The following LRP1B variants were observed in gnomAD, a reference collection of about 807,000 sequenced individuals.
The protein encoded by LRP1B is LDL receptor related protein 1B.
Under a neutral mutation model 556.6 loss-of-function variants are expected in LRP1B, and 217 were observed. That is an observed-to-expected ratio of 0.39 (90% CI 0.35 to 0.44). The LOEUF (loss-of-function observed/expected upper bound fraction) is 0.44. Ranked by LOEUF, LRP1B falls within the 20% of genes least tolerant of loss-of-function variation. LRP1B has a pLI of 1.00. For missense variants in LRP1B, 5,053 were observed against 5,620.8 expected (o/e 0.90, Z 3.23); for synonymous variants, 2,047 against 1,865.8 (o/e 1.10, Z -2.50).
chr2:140,524,146 C>G (rs914305104), intron 49 of LRP1B, among the ~76,000 whole-genome samples: 5 of 151,636 alleles, frequency 3.3e-5, no homozygotes, highest in South Asian at 4.2e-4. Flanking sequence ...ACAAATAACC[C>G]CATTAAAAAT....
chr2:141,730,882 T>C (rs975127590), intron 2 of LRP1B, among the ~76,000 whole-genome samples: 2 of 152,182 alleles, frequency 1.3e-5, no homozygotes, highest in African/African-American at 4.8e-5. Context: ...AACCCCACAG[T>C]TTCCTGTGTA....
chr2:141,952,730 T>A (rs1701140661), intron 1 of LRP1B, among the ~76,000 whole-genome samples: 1 of 152,164 alleles, frequency 6.6e-6, no homozygotes, highest in African/African-American at 2.4e-5. Flanking sequence ...AATTAAACCC[T>A]TCCTTATCTA....
chr2:140,300,366 A>ATC (rs1683770077), intron 83 of LRP1B, among the ~76,000 whole-genome samples: 1 of 152,278 alleles, frequency 6.6e-6, no homozygotes, highest in African/African-American at 2.4e-5. Context: ...GTTTTCAAGA[A>ATC]TCTCTCTAGG....
Position 141,480,482 on chromosome 2 carries a change from C to T in LRP1B, c.257G>A (p.Gly86Asp), listed in dbSNP as rs2105090153. 6.2e-7 allele frequency: 1 copy of T among 1,613,940 alleles called. No individual in the cohort carries two copies. The highest frequency in any genetic ancestry group is 8.5e-7 in the Non-Finnish European group (1 of 1,179,924). ...GGATAAATGAACACATTTGTTGGTA[C>T]CAAGGCAAGCAATGTGATTCAAGGG... ...KCPLNHIACL[G>D]TNKCVHLSQL... The change falls in exon 3 of 91, where the codon GGT becomes GAT. Residue 86 changes from glycine to aspartate, a missense_variant. This residue lies in a region of LRP1B where 3,619 missense variants were observed against 3,931.9 expected (regional missense o/e 0.92). Transcript: ENST00000389484.
chr2:140,794,903 G>A (rs539124391), intron 32 of LRP1B, among the ~76,000 whole-genome samples: 3 of 152,088 alleles, frequency 2.0e-5, no homozygotes, highest in South Asian at 2.1e-4. Flanking sequence ...ATGAGCAACC[G>A]CACCCAGCCG....
At chr2:141,770,267 T>A (rs2105613674) in intron 2 of LRP1B, among the ~76,000 whole-genome samples, 1 of 152,346 alleles carries the variant, frequency 6.6e-6, no homozygotes, top group East Asian at 1.9e-4. Context: ...CTTCTTAATC[T>A]GATTTTAAAT....
At chr2:140,367,788 C>A (rs1248850355) in intron 71 of LRP1B, among the ~76,000 whole-genome samples, 1 of 151,694 alleles carries the variant, frequency 6.6e-6, no homozygotes, top group East Asian at 1.9e-4. Flanking sequence ...TCATCGCATG[C>A]TCCATTTTAC....
intron 59 of LRP1B, among the ~76,000 whole-genome samples, chr2:140,478,299 G>A (rs1323570159): frequency 6.6e-5 from 10 of 151,630 alleles, no homozygotes; most frequent in African/African-American, 1.5e-4. Flanking sequence ...ACAGGGGCCC[G>A]CCACCACGCC....
intron 2 of LRP1B, among the ~76,000 whole-genome samples, chr2:141,784,685 T>G (rs1205965374): frequency 6.6e-6 from 1 of 151,870 alleles, no homozygotes; most frequent in African/African-American, 2.4e-5. Context: ...TTTCCCTTCC[T>G]CAACTTAAGT....
chr2:141,766,383 C>T (rs1002790204), intron 2 of LRP1B, among the ~76,000 whole-genome samples: 1 of 152,260 alleles, frequency 6.6e-6, no homozygotes, highest in Middle Eastern at 3.4e-3. Context: ...GTAACAGACG[C>T]TACCTTTCAA....
intron 2 of LRP1B, among the ~76,000 whole-genome samples, chr2:141,629,707 G>A (rs1188175566): frequency 6.6e-6 from 1 of 152,064 alleles, no homozygotes; most frequent in Non-Finnish European, 1.5e-5. Flanking sequence ...AACTCAAAAT[G>A]TAACTTTGGG....
intron 5 of LRP1B, among the ~76,000 whole-genome samples, chr2:141,241,617 C>T (rs1683880859): frequency 1.3e-5 from 2 of 152,054 alleles, no homozygotes; most frequent in Admixed American, 1.3e-4. Flanking sequence ...TCCCCAACAT[C>T]CCAGTACCCT....
intron 23 of LRP1B, among the ~76,000 whole-genome samples, chr2:140,892,154 A>G (rs944373751): frequency 7.2e-5 from 11 of 152,162 alleles, no homozygotes; most frequent in Admixed American, 7.2e-4. Flanking sequence ...ATGAATGAAT[A>G]ACAAGCCTAG....
chr2:140,646,248 T>A (rs537978646), intron 41 of LRP1B, among the ~76,000 whole-genome samples: 2 of 152,328 alleles, frequency 1.3e-5, no homozygotes, highest in Admixed American at 1.3e-4. Context: ...ATCATGATAA[T>A]CCTTCTAGGA....
rs184471236 is a variant in LRP1B, at chr2:141,338,105, T to C, written c.344-83464A>G. On this transcript the variant is annotated intron_variant, in intron 3 of 90. Transcript: ENST00000389484. ...TGTCACTTTGAAGCCTTTGAAATGC[T>C]GTTCAGACCTGTTCTGCATGTGTAC... Among the ~76,000 whole-genome samples the C allele has an allele frequency of 1.2e-4, 18 of 152,330 alleles. No homozygotes were observed. In the East Asian group the frequency reaches 3.5e-3, roughly 29 times the overall value.
rs1443410313 is a variant in LRP1B, at chr2:140,428,143, ATACATT to A, written c.10414+14355_10414+14360del. Among the ~76,000 whole-genome samples, 78 of 152,188 alleles carry A rather than the reference ATACATT, an allele frequency of 5.1e-4. 4 individuals carry two copies. The highest frequency in any genetic ancestry group is 1.5e-5 in the Non-Finnish European group (1 of 68,032). Reference sequence around the variant, plus strand: ...GTCAAAAAGCCGTCTTATTCTCAATATACATTTTATTACCCAATCCCAACATTAAAT... The same window carrying A: ...GTCAAAAAGCCGTCTTATTCTCAATATTATTACCCAATCCCAACATTAAAT... On this transcript the variant is annotated intron_variant, in intron 66 of 90. Coordinates refer to ENST00000389484, the MANE Select transcript of LRP1B (RefSeq NM_018557.3).
intron 6 of LRP1B, among the ~76,000 whole-genome samples, chr2:141,228,435 G>A (rs1272308410): frequency 6.6e-6 from 1 of 150,754 alleles, no homozygotes; most frequent in East Asian, 2.0e-4. Context: ...ACTCCCATGT[G>A]GAAGCAGGGA....
chr2:141,421,439 G>C (rs1003911661), intron 3 of LRP1B, among the ~76,000 whole-genome samples: 102 of 149,020 alleles, frequency 6.8e-4, no homozygotes, highest in African/African-American at 2.5e-3. Flanking sequence ...TGAGGCAGGA[G>C]AATGGCGTGA....
intron 2 of LRP1B, among the ~76,000 whole-genome samples, chr2:141,799,150 G>T (rs927730261): frequency 6.6e-6 from 1 of 152,064 alleles, no homozygotes; most frequent in African/African-American, 2.4e-5. Context: ...AGACGAATAC[G>T]CTATGTTAGT....
Sources: gnomAD v4.1 joint callset for allele counts (sites outside exome capture counted in the v4.1 genomes callset) on GRCh38, gnomAD v4.1.1 for gene constraint, gnomAD v4.1.1 regional missense constraint, MANE v1.5 for transcripts, NCBI Gene and HGNC (gene_info 2026-07-23, HGNC 2026-07-21) for gene names.